CENPO: variants seen among roughly 807,000 people sequenced by gnomAD.
The protein encoded by CENPO is centromeric protein O.
A neutral mutation model predicts 36.1 loss-of-function variants in CENPO; 30 were observed. The ratio of observed to expected loss-of-function variants is 0.83; its 90% CI spans 0.62 to 1.13. The LOEUF (loss-of-function observed/expected upper bound fraction) is 1.13. Ranked by LOEUF, CENPO falls within the 50% of genes most tolerant of loss-of-function variation. CENPO has a pLI of 0.00. For synonymous variants in CENPO, 171 were observed against 142.3 expected, an observed-to-expected ratio of 1.20 and a Z score of -1.44; for missense variants, 349 against 357.8, an observed-to-expected ratio of 0.98 and a Z score of 0.20.
rs182429048 is a variant in CENPO at position 24,820,311 on chromosome 2, G to T, written c.*993G>T. 141 of 1,300,978 alleles carry T rather than the reference G, an allele frequency of 1.1e-4. No homozygotes were observed. The East Asian group carries it at 4.0e-3, about 37-fold the overall frequency. 80.6% of individuals were successfully genotyped at this position (1,300,978 alleles called of 1,614,324 possible). On this transcript the variant is annotated 3_prime_UTR_variant, in exon 8 of 8. Transcript: ENST00000380834. ...GGGAAGGAGAACCCTGGAGTGACTG[G>T]CTGGGGGCCTCCTCTCATCCAGAGA...
Position 24,821,823 on chromosome 2 carries a change from C to T in CENPO, c.*2505C>T, listed in dbSNP as rs574078445. ...TGACTTGCCACTGTGACAAAGTTCA[C>T]GTAGCAGGTCTAGGCAAAGACTGGG... is the stretch of plus-strand genomic sequence containing the variant. On this transcript the variant is annotated 3_prime_UTR_variant, in exon 8 of 8. Coordinates refer to ENST00000380834, the MANE Select transcript of CENPO (RefSeq NM_001322101.2). 1.2e-5 allele frequency: 10 copies of T among 830,822 alleles called. No homozygotes were observed. Among genetic ancestry groups the T allele is most frequent in the African/African-American group, 6.9e-5 (4 of 58,264 alleles). 51.5% of individuals were successfully genotyped at this position (830,822 alleles called of 1,614,324 possible).
rs141799599 is a variant in CENPO, at chr2:24,815,645, G to T, written c.483G>T (p.Leu161=). The T allele has an allele frequency of 4.6e-3, 7,454 of 1,614,086 alleles. 26 individuals are homozygous for T. Among genetic ancestry groups the T allele is most frequent in the Non-Finnish European group, 5.7e-3 (6,730 of 1,179,992 alleles). The change falls in exon 5 of 8, where the codon CTG becomes CTT. Residue 161 remains leucine (L), a synonymous_variant. Coordinates refer to ENST00000380834, the MANE Select transcript of CENPO (RefSeq NM_001322101.2). ...ATTCAGTCCCAGTCTTCATTCCCCTGGAAGAGATAGCTGCAAAATATTTAC... is the reference window on the plus strand; with the variant it reads ...ATTCAGTCCCAGTCTTCATTCCCCTTGAAGAGATAGCTGCAAAATATTTAC... ...HHHSVPVFIP[L]EEIAAKYLQT... is the part of the protein sequence containing the mutation.
chr2:24,795,516 T>C (rs1665860813), intron 2 of CENPO, among the ~76,000 whole-genome samples: 1 of 152,006 alleles, frequency 6.6e-6, no homozygotes, highest in Admixed American at 6.6e-5. Flanking sequence ...CCCCTTGGTG[T>C]AGAGGGAATC....
At chr2:24,815,801 C>A in intron 5 of CENPO, 45 bp downstream of exon 5, 2 of 1,588,700 alleles carry the variant, frequency 1.3e-6, no homozygotes, top group South Asian at 1.1e-5. Context: ...GGCCCAAGAT[C>A]AACTTAAAAG....
chr2:24,809,777 G>A (rs1666593350), intron 3 of CENPO, among the ~76,000 whole-genome samples: 1 of 151,612 alleles, frequency 6.6e-6, no homozygotes, highest in Admixed American at 6.6e-5. Context: ...CTCAGCATGT[G>A]GTCAGTTTTT....
intron 3 of CENPO, among the ~76,000 whole-genome samples, chr2:24,803,901 G>A (rs192632557): frequency 5.3e-5 from 8 of 152,200 alleles, no homozygotes; most frequent in Middle Eastern, 3.4e-3. Context: ...TTTCTGTCTC[G>A]TTGATCTGTC....
rs528098628 is a variant in CENPO, at chr2:24,820,171, C to T, written c.*853C>T. ...TTACGGGGGGAGCCTAGACTGAGGG[C>T]GGGTGGGGGCTTTGGGTGGTTGGAG... On this transcript the variant is annotated 3_prime_UTR_variant, in exon 8 of 8. Coordinates refer to ENST00000380834, the MANE Select transcript of CENPO (RefSeq NM_001322101.2). 18 of 431,352 alleles carry T rather than the reference C, an allele frequency of 4.2e-5. No homozygotes were observed. Among genetic ancestry groups the T allele is most frequent in the South Asian group, 8.3e-5 (3 of 36,178 alleles). 26.7% of individuals were successfully genotyped at this position (431,352 alleles called of 1,614,324 possible).
At position 24,816,774 on chromosome 2, in the gene CENPO, C is replaced by T; in HGVS notation, c.723C>T (p.Asp241=). Residue 241 remains aspartate (D), a synonymous_variant, in exon 6 of 8, where the codon GAC becomes GAT. Transcript: ENST00000380834. Reference sequence around the variant, plus strand: ...TCTGTGCTAGATTGCTGTATAAGGACCTCACAGCAACTCTTCCCACTGACG... The same window carrying T: ...TCTGTGCTAGATTGCTGTATAAGGATCTCACAGCAACTCTTCCCACTGACG... ...FPFCARLLYK[D]LTATLPTDVT... is the part of the protein sequence containing the mutation. 1 of 1,608,986 alleles carries T rather than the reference C, an allele frequency of 6.2e-7. No individual in the cohort carries two copies. The highest frequency in any genetic ancestry group is 8.5e-7 in the Non-Finnish European group (1 of 1,177,884).
Position 24,817,715 on chromosome 2 carries a change from A to G in CENPO, c.812A>G (p.His271Arg). 6.2e-7 allele frequency: 1 copy of G among 1,609,676 alleles called. No homozygotes were observed. Among genetic ancestry groups the G allele is most frequent in the Non-Finnish European group, 8.5e-7 (1 of 1,175,934 alleles). The change falls in exon 7 of 8, where the codon CAT (histidine) becomes CGT (arginine). Residue 271 changes from histidine (H) to arginine (R), a missense_variant. By Grantham distance (29) the His-to-Arg change is conservative. Transcript: ENST00000380834. ...STSWEEQRAS[H>R]ETLFCTKPLH... Reference sequence around the variant, plus strand: ...TCATGGGAGGAGCAACGAGCATCTCATGAAACTCTGTTCTGTACGAAGCCC... The same window carrying G: ...TCATGGGAGGAGCAACGAGCATCTCGTGAAACTCTGTTCTGTACGAAGCCC...
chr2:24,804,927 A>G (rs1264826132), intron 3 of CENPO, among the ~76,000 whole-genome samples: 1 of 152,152 alleles, frequency 6.6e-6, no homozygotes, highest in Non-Finnish European at 1.5e-5. Flanking sequence ...GTGTTTTCCA[A>G]CTTGGTTCCA....
chr2:24,815,884 G>C (rs1666919517), intron 5 of CENPO, 128 bp downstream of exon 5: 3 of 845,998 alleles, frequency 3.5e-6, no homozygotes, highest in Non-Finnish European at 5.5e-6. Flanking sequence ...TCCGATGCTT[G>C]TTTCTTATTT....
intron 6 of CENPO, 113 bp from the exon 7 acceptor site, chr2:24,817,557 A>G (rs1188644360): frequency 7.2e-7 from 1 of 1,384,690 alleles, no homozygotes; most frequent in East Asian, 2.4e-5. Flanking sequence ...ATTGAATGTC[A>G]GTGATCCAGG....
At chr2:24,810,562 C>G (rs1163985847) in intron 3 of CENPO, among the ~76,000 whole-genome samples, 1 of 134,552 alleles carries the variant, frequency 7.4e-6, no homozygotes, top group Non-Finnish European at 1.5e-5. Flanking sequence ...GGCTGGAGTG[C>G]AATGGTGCCA....
intron 2 of CENPO, among the ~76,000 whole-genome samples, chr2:24,796,739 T>C (rs1665925010): frequency 6.6e-6 from 1 of 152,164 alleles, no homozygotes; most frequent in Non-Finnish European, 1.5e-5. Context: ...GTTCTGAAGG[T>C]GCTACAAAGG....
intron 3 of CENPO, 106 bp downstream of exon 3, chr2:24,799,950 T>C: frequency 4.7e-6 from 6 of 1,275,798 alleles, no homozygotes; most frequent in Non-Finnish European, 6.6e-6. Context: ...ACTTGTGATC[T>C]TACTGGATTG....
At chr2:24,816,413 G>T in intron 5 of CENPO, 1 of 462,662 alleles carries the variant, frequency 2.2e-6, no homozygotes, top group East Asian at 3.4e-5. Context: ...CTCTTGCGAA[G>T]CTGTACCCCT....
chr2:24,819,163 A>T (rs1452549519), intron 7 of CENPO, 191 bp from the exon 8 acceptor site: 11 of 152,806 alleles, frequency 7.2e-5, no homozygotes, highest in Middle Eastern at 3.4e-3. Flanking sequence ...GAATTTCCAC[A>T]ATCACTTTCA....
chr2:24,809,435 GTCT>G (rs1208201376), intron 3 of CENPO, among the ~76,000 whole-genome samples: 3 of 151,874 alleles, frequency 2.0e-5, no homozygotes, highest in East Asian at 1.9e-4. Context: ...ATATTTTTTA[GTCT>G]TCTTTTCTCT....
At position 24,799,673 on chromosome 2, in the gene CENPO, A is replaced by G; in HGVS notation, c.47-2A>G. ...GTAAAATTCTCCTTTTACTCTCCTT[A>G]GGTGTTTTAGCTCACTTGGAAAGGC... is the stretch of plus-strand genomic sequence containing the variant. On this transcript the variant is annotated splice_acceptor_variant, in intron 2 of 7. Coordinates refer to ENST00000380834, the MANE Select transcript of CENPO (RefSeq NM_001322101.2). LOFTEE classifies it high-confidence loss of function. The G allele has an allele frequency of 6.2e-7, 1 of 1,609,382 alleles. No homozygotes were observed.
Sources: gnomAD v4.1 joint callset for allele counts (sites outside exome capture counted in the v4.1 genomes callset) on GRCh38, gnomAD v4.1.1 for gene constraint, MANE v1.5 for transcripts, NCBI Gene and HGNC (gene_info 2026-07-23, HGNC 2026-07-21) for gene names.